TTN: variants seen among roughly 807,000 people sequenced by gnomAD.
TTN encodes the protein connectin.
A neutral mutation model predicts 3,223.0 loss-of-function variants in TTN; 1,525 were observed. That is an observed-to-expected ratio of 0.47 (90% confidence interval 0.45 to 0.49). The LOEUF is 0.49. Ranked by LOEUF, TTN falls within the 20% of genes least tolerant of loss-of-function variation. The pLI, the probability that TTN is intolerant of heterozygous loss-of-function variation, is 0.00. For synonymous variants in TTN, 14,094 were observed against 15,161.0 expected, an observed-to-expected ratio of 0.93 and a Z score of 5.17; for missense variants, 40,786 against 43,424.0, an observed-to-expected ratio of 0.94 and a Z score of 5.40.
chr2:178,559,940 A>G lies in TTN; in HGVS notation c.86192T>C (p.Val28731Ala), dbSNP rs1174709364. Reference protein sequence around the residue: ...YVFRVKSVNKVGASDPSDSSD... With the variant: ...YVFRVKSVNKAGASDPSDSSD... Reference sequence around the variant, plus strand: ...GCTATCACTGGGGTCACTAGCACCAACCTTATTGACAGATTTTACTCTGAA... The same window carrying G: ...GCTATCACTGGGGTCACTAGCACCAGCCTTATTGACAGATTTTACTCTGAA... The change falls in exon 326 of 363, where the codon GTT (valine) becomes GCT (alanine). Residue 28731 changes from valine (V) to alanine (A), a missense_variant. By Grantham distance (64) the Val-to-Ala change is moderately conservative. Coordinates refer to ENST00000589042, the MANE Select transcript of TTN (RefSeq NM_001267550.2). 1 of 1,613,658 alleles carries G rather than the reference A, an allele frequency of 6.2e-7. No individual in the cohort carries two copies. The highest frequency in any genetic ancestry group is 1.3e-5 in the African/African-American group (1 of 74,910).
chr2:178,729,892 GTCCAT>G lies in TTN; in HGVS notation c.18356_18360del (p.Asn6119ThrfsTer6), dbSNP rs1218872408. ...ATTTGGCATTCAAATGTTGTTGACT[GTCCAT>G]TCCTCAGCACTAAGACTGGACTGGG... is the stretch of plus-strand genomic sequence containing the variant. On this transcript the variant is annotated frameshift_variant, in exon 63 of 363. Transcript: ENST00000589042. LOFTEE classifies it high-confidence loss of function. 1 of 1,613,454 alleles carries G rather than the reference GTCCAT, an allele frequency of 6.2e-7. No homozygotes were observed. Among genetic ancestry groups the G allele is most frequent in the Admixed American group, 1.7e-5 (1 of 59,952 alleles).
Position 178,548,534 on chromosome 2 carries a change from C to A in TTN, c.93092G>T (p.Gly31031Val). The A allele has an allele frequency of 1.2e-6, 2 of 1,613,852 alleles. No individual in the cohort carries two copies. Among genetic ancestry groups the A allele is most frequent in the Non-Finnish European group, 1.7e-6 (2 of 1,179,806 alleles). Reference sequence around the variant, plus strand: ...GGCATCCCACATCAATGTAGCAGATCCCCGGGTCACATCTTTGAAGGTAAT... The same window carrying A: ...GGCATCCCACATCAATGTAGCAGATACCCGGGTCACATCTTTGAAGGTAAT... ...GPITFKDVTR[G>V]SATLMWDAPL... The change falls in exon 339 of 363, where the codon GGA becomes GTA. Residue 31031 changes from glycine to valine, a missense_variant. Physicochemically the swap from Gly to Val is moderately radical, Grantham distance 109. Coordinates refer to ENST00000589042, the MANE Select transcript of TTN (RefSeq NM_001267550.2). This position sits in a 1 kb window ranked among gnomAD's most constrained non-coding sequence, Gnocchi z 4.3.
At position 178,534,572 on chromosome 2, in the gene TTN, A is replaced by G; in HGVS notation, c.102043T>C (p.Phe34015Leu). The G allele has an allele frequency of 6.2e-7, 1 of 1,613,900 alleles. No homozygotes were observed. The highest frequency in any genetic ancestry group is 8.5e-7 in the Non-Finnish European group (1 of 1,179,804). ...VYVLLSGINP[F>L]LAETNQQIIE... ...ATCTGTTGGTTAGTTTCAGCCAGGA[A>G]TGGGTTGATACCACTCAATAGCACA... Residue 34015 changes from phenylalanine to leucine, a missense_variant, in exon 358 of 363, where the codon TTC (phenylalanine) becomes CTC (leucine). Transcript: ENST00000589042.
At chr2:178,641,790 A>G (rs937766194) in intron 219 of TTN, among the ~76,000 whole-genome samples, 2 of 151,838 alleles carry the variant, frequency 1.3e-5, no homozygotes, top group African/African-American at 4.8e-5. Flanking sequence ...TTAATATTTT[A>G]TTAGTCAGAA....
intron 304 of TTN, 81 bp downstream of exon 304, chr2:178,588,456 GT>G: frequency 7.1e-7 from 1 of 1,410,634 alleles, no homozygotes; most frequent in Non-Finnish European, 9.5e-7. Context: ...AGATTTAGAT[GT>G]TACATTAACT....
intron 12 of TTN, 114 bp from the exon 13 acceptor site, chr2:178,789,611 C>A (rs2093382122): frequency 5.8e-6 from 8 of 1,375,380 alleles, no homozygotes; most frequent in Non-Finnish European, 8.1e-6. Flanking sequence ...GTTAAATACA[C>A]AAGAGAAATA....
chr2:178,704,072 G>A, intron 106 of TTN, 75 bp downstream of exon 106: 1 of 1,537,668 alleles, frequency 6.5e-7, no homozygotes, highest in South Asian at 1.3e-5. Flanking sequence ...CTACAGGTAG[G>A]GTTGCAGGGG....
At position 178,665,512 on chromosome 2, in the gene TTN, T is replaced by A. The variant is rs1039656418; in HGVS notation, c.35960-52A>T. ...GAGGTTAAAAGGATCAGTGGAGACA[T>A]TAATTAAATGAGCTGAACCAAAGTG... On this transcript the variant is annotated intron_variant, in intron 164 of 362. Coordinates refer to ENST00000589042, the MANE Select transcript of TTN (RefSeq NM_001267550.2). 20 of 1,572,124 alleles carry A rather than the reference T, an allele frequency of 1.3e-5. No individual in the cohort carries two copies. The Admixed American group carries it at 2.7e-4, about 21-fold the overall frequency.
rs1559872244 is a variant in TTN, at chr2:178,620,698, G to A, written c.45895+17C>T. The A allele has an allele frequency of 6.2e-7, 1 of 1,610,618 alleles. No homozygotes were observed. Reference sequence around the variant, plus strand: ...GAAACTGATGAAAAAATCTCTAGTGGTATATAAATTACTTACCTTCTACTA... The same window carrying A: ...GAAACTGATGAAAAAATCTCTAGTGATATATAAATTACTTACCTTCTACTA... On this transcript the variant is annotated intron_variant, in intron 247 of 362. Transcript: ENST00000589042.
At position 178,756,807 on chromosome 2, in the gene TTN, C is replaced by A. The variant is rs397517832; in HGVS notation, c.10679-10G>T. The A allele has an allele frequency of 1.4e-5, 23 of 1,606,266 alleles. No individual in the cohort carries two copies. Among genetic ancestry groups the A allele is most frequent in the Non-Finnish European group, 1.9e-5 (22 of 1,175,982 alleles). On this transcript the variant is annotated splice_polypyrimidine_tract_variant and intron_variant, in intron 45 of 362. Transcript: ENST00000589042. ...CTATCTAGGGCTTGCACTGTATAAT[C>A]AAGTGACAAGAAAAAGAAAAGAATA...
At position 178,635,430 on chromosome 2, in the gene TTN, G is replaced by A; in HGVS notation, c.41884+10C>T. Reference sequence around the variant, plus strand: ...AACTTATAATTTGAATAAAAGGTAAGATTTTATACCTCCAAGTGTCAGCTT... The same window carrying A: ...AACTTATAATTTGAATAAAAGGTAAAATTTTATACCTCCAAGTGTCAGCTT... On this transcript the variant is annotated intron_variant, in intron 227 of 362. Coordinates refer to ENST00000589042, the MANE Select transcript of TTN (RefSeq NM_001267550.2). 1 of 1,604,414 alleles carries A rather than the reference G, an allele frequency of 6.2e-7. No individual in the cohort carries two copies. The highest frequency in any genetic ancestry group is 8.5e-7 in the Non-Finnish European group (1 of 1,176,308).
intron 336 of TTN, 99 bp from the exon 337 acceptor site, chr2:178,550,372 G>A: frequency 1.0e-6 from 1 of 998,862 alleles, no homozygotes; most frequent in Non-Finnish European, 1.4e-6. Flanking sequence ...GCCAGGAAGA[G>A]TAGTGACTTC....
At chr2:178,749,226 T>C in intron 47 of TTN, 1 of 1,611,648 alleles carries the variant, frequency 6.2e-7, no homozygotes, top group Non-Finnish European at 8.5e-7. Flanking sequence ...ATTTCTTTCT[T>C]AATAGTGACA....
chr2:178,681,412 G>T lies in TTN; in HGVS notation c.33211C>A (p.Pro11071Thr). 1 of 1,612,296 alleles carries T rather than the reference G, an allele frequency of 6.2e-7. No homozygotes were observed. The highest frequency in any genetic ancestry group is 8.5e-7 in the Non-Finnish European group (1 of 1,179,012). Residue 11071 changes from proline to threonine, a missense_variant, in exon 137 of 363, where the codon CCC becomes ACC. Pro to Thr is a conservative substitution (Grantham distance 38). Transcript: ENST00000589042. The stretch of plus-strand genomic sequence containing the variant: ...GGAGGTTTGAGTTTCTTAGGAATGG[G>T]CACTGGTACTTTTTCTTCAGGGACA... ...KAVPEEKVPV[P>T]IPKKLKPPPP...
chr2:178,595,890 C>CA (rs2051443586), intron 294 of TTN, 81 bp from the exon 295 acceptor site: 1 of 1,360,394 alleles, frequency 7.4e-7, no homozygotes. Context: ...TAAAAGGAGA[C>CA]AAAAATGTTG....
intron 98 of TTN, 66 bp from the exon 99 acceptor site, chr2:178,709,922 A>G: frequency 6.7e-7 from 1 of 1,483,492 alleles, no homozygotes; most frequent in Non-Finnish European, 9.0e-7. Context: ...GAAGCTTTTC[A>G]AGAAAAAAAA....
chr2:178,652,506 T>G lies in TTN; in HGVS notation c.39079A>C (p.Lys13027Gln). Reference protein sequence around the residue: ...EAPKEVVPEKKVPAAPPKKPE... With the variant: ...EAPKEVVPEKQVPAAPPKKPE... ...TTTTTAGGAGGAGCCGCTGGCACTTTCTTTTCAGGAACAACTTCTTTCGGA... is the reference window on the plus strand; with the variant it reads ...TTTTTAGGAGGAGCCGCTGGCACTTGCTTTTCAGGAACAACTTCTTTCGGA... The change falls in exon 202 of 363, where the codon AAA (lysine) becomes CAA (glutamine). Residue 13027 changes from lysine to glutamine, a missense_variant. Coordinates refer to ENST00000589042, the MANE Select transcript of TTN (RefSeq NM_001267550.2). 2 of 1,613,636 alleles carry G rather than the reference T, an allele frequency of 1.2e-6. No individual in the cohort carries two copies. The highest frequency in any genetic ancestry group is 1.7e-6 in the Non-Finnish European group (2 of 1,179,650).
chr2:178,803,117 A>G (rs1472187654), intron 2 of TTN, among the ~76,000 whole-genome samples: 2 of 152,228 alleles, frequency 1.3e-5, no homozygotes, highest in Non-Finnish European at 2.9e-5. Flanking sequence ...CACACTTGGC[A>G]TAAAGGTTGA....
intron 102 of TTN, among the ~76,000 whole-genome samples, chr2:178,705,945 T>G (rs993828983): frequency 2.6e-5 from 4 of 152,218 alleles, no homozygotes; most frequent in African/African-American, 9.6e-5. Flanking sequence ...TTAAAAATCT[T>G]AATAGACATT....
Sources: allele counts gnomAD v4.1 joint callset (sites outside exome capture counted in the v4.1 genomes callset), GRCh38; gene constraint gnomAD v4.1.1; non-coding constraint Gnocchi (gnomAD v3.1); transcripts MANE v1.5; gene names NCBI Gene and HGNC (gene_info 2026-07-23, HGNC 2026-07-21).